Variants in CDH13 observed in about 807,000 individuals in gnomAD.
The protein encoded by CDH13 is cadherin 13, also known as cadherin-13.
In CDH13, 24 loss-of-function variants were observed where a neutral mutation model predicts 63.8. That is an observed-to-expected ratio of 0.38 (90% CI 0.27 to 0.53). The LOEUF (loss-of-function observed/expected upper bound fraction) is 0.53, where lower values mean the gene tolerates loss of function less well. CDH13 is among the 20% of genes least tolerant of loss of function. The pLI, the probability that CDH13 is intolerant of heterozygous loss-of-function variation, is 0.85. For missense variants in CDH13, 1,049 were observed against 903.1 expected, an observed-to-expected ratio of 1.16 and a Z score of -2.07; for synonymous variants, 503 against 355.3, an observed-to-expected ratio of 1.42 and a Z score of -4.67.
intron 6 of CDH13, among the ~76,000 whole-genome samples, chr16:83,457,109 A>G (rs1225383723): frequency 1.3e-5 from 2 of 152,190 alleles, no homozygotes; most frequent in African/African-American, 4.8e-5. Context: ...AGTCCAAGCC[A>G]AAACACCTGG....
chr16:83,669,638 G>C (rs1321343973), intron 8 of CDH13, among the ~76,000 whole-genome samples: 6 of 152,172 alleles, frequency 3.9e-5, no homozygotes, highest in African/African-American at 1.2e-4. Context: ...ATTAGTTGCA[G>C]TCCCCGCCCT....
chr16:83,610,278 T>A (rs568350263), intron 8 of CDH13, among the ~76,000 whole-genome samples: 1 of 152,182 alleles, frequency 6.6e-6, no homozygotes, highest in African/African-American at 2.4e-5. Context: ...AAATTAGTAA[T>A]CTGTAATTCC....
chr16:83,754,425 C>T (rs1597180724), intron 11 of CDH13, among the ~76,000 whole-genome samples: 2 of 152,116 alleles, frequency 1.3e-5, no homozygotes, highest in South Asian at 2.1e-4. Context: ...GTTCAACTTG[C>T]AATGCGGCCT....
chr16:83,636,659 A>G (rs1376816931), intron 8 of CDH13, among the ~76,000 whole-genome samples: 1 of 152,182 alleles, frequency 6.6e-6, no homozygotes, highest in Non-Finnish European at 1.5e-5. Context: ...CTAACCCACC[A>G]TTGATGGGCA....
rs112299291 is a variant in CDH13 at position 82,870,915 on chromosome 16, C to G, written c.157+12442C>G. 1.5e-4 allele frequency among the ~76,000 whole-genome samples: 23 copies of G among 151,786 alleles called. 2 individuals carry two copies. Among genetic ancestry groups the G allele is most frequent in the African/African-American group, 3.4e-4 (14 of 41,062 alleles). On this transcript the variant is annotated intron_variant, in intron 2 of 13. Coordinates refer to ENST00000567109, the MANE Select transcript of CDH13 (RefSeq NM_001257.5). ...GTAGCTGAAAGCTTGCTATGGCCCT[C>G]CAATATTTATCTTTCTGATATCCAG...
intron 10 of CDH13, among the ~76,000 whole-genome samples, chr16:83,685,001 G>A (rs1452209463): frequency 1.3e-5 from 2 of 152,142 alleles, no homozygotes; most frequent in Non-Finnish European, 2.9e-5. Flanking sequence ...GTCTAGGCTG[G>A]CACCCTCTTC....
intron 5 of CDH13, among the ~76,000 whole-genome samples, chr16:83,249,459 A>G (rs1362814357): frequency 6.6e-6 from 1 of 152,186 alleles, no homozygotes; most frequent in African/African-American, 2.4e-5. Context: ...CTGTGCAGTT[A>G]TCGATGATAT....
chr16:82,842,104 A>ATATG (rs1555528112), intron 1 of CDH13, among the ~76,000 whole-genome samples: 1 of 37,176 alleles, frequency 2.7e-5, no homozygotes, highest in Non-Finnish European at 5.4e-5. Context: ...ATATATATAT[A>ATATG]TATATATGTA....
chr16:82,761,072 G>A (rs2034832907), intron 1 of CDH13, among the ~76,000 whole-genome samples: 1 of 118,724 alleles, frequency 8.4e-6, no homozygotes, highest in Non-Finnish European at 1.6e-5. Flanking sequence ...CACCCAGACT[G>A]GAGTGCAGTG....
At chr16:83,267,076 G>T (rs940233183) in intron 5 of CDH13, among the ~76,000 whole-genome samples, 2 of 152,056 alleles carry the variant, frequency 1.3e-5, no homozygotes, top group African/African-American at 2.4e-5. Context: ...TTAAGAATTT[G>T]TTAGGGAGGA....
intron 8 of CDH13, among the ~76,000 whole-genome samples, chr16:83,624,807 C>G (rs983191854): frequency 6.6e-6 from 1 of 152,042 alleles, no homozygotes; most frequent in South Asian, 2.1e-4. Context: ...GTGGTGGTTC[C>G]CTGAAGAAAG....
Position 83,450,707 on chromosome 16 carries a change from A to G in CDH13, c.782-35770A>G, listed in dbSNP as rs182744556. Among the ~76,000 whole-genome samples the G allele has an allele frequency of 5.9e-3, 898 of 152,232 alleles. 7 individuals carry two copies. Among genetic ancestry groups the G allele is most frequent in the African/African-American group, 0.02 (846 of 41,556 alleles). Reference sequence around the variant, plus strand: ...AACATAGTGAAACCCTGTCTCTACTAAAAATATAAAAAATTAGCCAGGCAT... The same window carrying G: ...AACATAGTGAAACCCTGTCTCTACTGAAAATATAAAAAATTAGCCAGGCAT... On this transcript the variant is annotated intron_variant, in intron 6 of 13. Coordinates refer to ENST00000567109, the MANE Select transcript of CDH13 (RefSeq NM_001257.5).
At chr16:82,907,187 C>G (rs1354106621) in intron 2 of CDH13, among the ~76,000 whole-genome samples, 2 of 152,058 alleles carry the variant, frequency 1.3e-5, no homozygotes, top group African/African-American at 4.8e-5. Flanking sequence ...TCAGTGGAAC[C>G]CTTTCTTTAA....
chr16:83,561,250 C>T (rs528990745), intron 7 of CDH13, among the ~76,000 whole-genome samples: 5 of 151,638 alleles, frequency 3.3e-5, no homozygotes, highest in Admixed American at 2.0e-4. Flanking sequence ...AGTTTGAGAC[C>T]AGCCTGACCA....
intron 2 of CDH13, chr16:83,023,170 T>G (rs1321904415): frequency 6.6e-6 from 1 of 152,216 alleles, no homozygotes; most frequent in African/African-American, 2.4e-5. Flanking sequence ...CAGCTGAAGT[T>G]TGTCTTTTTG....
At chr16:82,636,102 G>A (rs898760195) in intron 1 of CDH13, among the ~76,000 whole-genome samples, 3 of 152,144 alleles carry the variant, frequency 2.0e-5, no homozygotes, top group South Asian at 2.1e-4. Context: ...ATCCTATTCA[G>A]ATAATCCAAG....
At chr16:83,159,866 G>T (rs979489073) in intron 4 of CDH13, among the ~76,000 whole-genome samples, 11 of 152,072 alleles carry the variant, frequency 7.2e-5, no homozygotes, top group Admixed American at 2.0e-4. Context: ...CTTGAGGCCA[G>T]GAGTTCAAGA....
At chr16:82,859,044 C>G (rs1445951340) in intron 2 of CDH13, 1 of 152,704 alleles carries the variant, frequency 6.5e-6, no homozygotes, top group African/African-American at 2.4e-5. Context: ...AAATATGCAT[C>G]TTTCATATCT....
intron 3 of CDH13, among the ~76,000 whole-genome samples, chr16:83,119,669 G>T (rs548708790): frequency 5.9e-4 from 90 of 152,266 alleles, no homozygotes; most frequent in African/African-American, 1.1e-3. Flanking sequence ...ACCCTCACAG[G>T]CTTCATGCAT....
Sources: gnomAD v4.1 joint callset for allele counts (sites outside exome capture counted in the v4.1 genomes callset) on GRCh38, gnomAD v4.1.1 for gene constraint, MANE v1.5 for transcripts, NCBI Gene and HGNC (gene_info 2026-07-23, HGNC 2026-07-21) for gene names.